Variants in ROBO2 observed in about 807,000 individuals in gnomAD.
ROBO2 encodes the protein roundabout homolog 2.
ROBO2 carries 53 observed loss-of-function variants against 160.8 expected under a neutral mutation model. The observed-to-expected ratio is 0.33, with a 90% CI of 0.26 to 0.41. ROBO2 has a LOEUF of 0.41. Ranked by LOEUF, ROBO2 falls within the 10% of genes least tolerant of loss-of-function variation. ROBO2 has a pLI of 1.00. For missense variants in ROBO2, 1,577 were observed against 1,722.4 expected, an observed-to-expected ratio of 0.92 and a Z score of 1.49; for synonymous variants, 664 against 611.7, an observed-to-expected ratio of 1.09 and a Z score of -1.26.
At chr3:76,604,931 T>G (rs2087529303) in intron 2 of ROBO2, among the ~76,000 whole-genome samples, 1 of 152,270 alleles carries the variant, frequency 6.6e-6, no homozygotes, top group Admixed American at 6.5e-5. Flanking sequence ...CAGCAAAGGT[T>G]GAACAAGAGG....
At chr3:76,950,744 T>C (rs1244958242) in intron 2 of ROBO2, among the ~76,000 whole-genome samples, 1 of 152,144 alleles carries the variant, frequency 6.6e-6, no homozygotes, top group Non-Finnish European at 1.5e-5. Context: ...TGTTTGTTTT[T>C]GAGACAGGTT....
intron 2 of ROBO2, among the ~76,000 whole-genome samples, chr3:76,497,144 G>A (rs1380059500): frequency 6.6e-6 from 1 of 152,066 alleles, no homozygotes; most frequent in African/African-American, 2.4e-5. Flanking sequence ...CAGGGCCTTT[G>A]CACGTATACT....
intron 2 of ROBO2, among the ~76,000 whole-genome samples, chr3:77,457,104 C>T (rs1157536848): frequency 6.6e-6 from 1 of 152,170 alleles, no homozygotes; most frequent in Non-Finnish European, 1.5e-5. Context: ...TCTACAGGCA[C>T]TATTAGCCCC....
At chr3:77,161,067 TG>T (rs1414139039) in intron 2 of ROBO2, among the ~76,000 whole-genome samples, 2 of 152,262 alleles carry the variant, frequency 1.3e-5, no homozygotes, top group East Asian at 3.9e-4. Context: ...AAGAAGCTGC[TG>T]ATTACAAAAG....
chr3:77,431,433 A>G (rs2078762307), intron 2 of ROBO2, among the ~76,000 whole-genome samples: 1 of 152,228 alleles, frequency 6.6e-6, no homozygotes, highest in South Asian at 2.1e-4. Flanking sequence ...TCTACAGGAT[A>G]GTTTTCTAAT....
At chr3:76,545,162 T>G (rs1342421604) in intron 2 of ROBO2, among the ~76,000 whole-genome samples, 1 of 151,960 alleles carries the variant, frequency 6.6e-6, no homozygotes. Flanking sequence ...AGACCCAAGT[T>G]AAGTGGATAC....
At chr3:76,750,966 T>G (rs1451258729) in intron 2 of ROBO2, among the ~76,000 whole-genome samples, 3 of 151,640 alleles carry the variant, frequency 2.0e-5, no homozygotes, top group Non-Finnish European at 4.4e-5. Flanking sequence ...ATATGGAACC[T>G]AAAAAGAGCC....
At position 76,030,088 on chromosome 3, in the gene ROBO2, G is replaced by A. The variant is rs576466799; in HGVS notation, c.109+92486G>A. Among the ~76,000 whole-genome samples, 449 of 152,226 alleles carry A rather than the reference G, an allele frequency of 2.9e-3. 4 individuals carry two copies. The highest frequency in any genetic ancestry group is 0.013 in the South Asian group (63 of 4,822). ...TGGTGTGAGATGGTATCTCATTGTGGTTTTGATTTGCATTTCTCTGATGAC... is the reference window on the plus strand; with the variant it reads ...TGGTGTGAGATGGTATCTCATTGTGATTTTGATTTGCATTTCTCTGATGAC... On this transcript the variant is annotated intron_variant, in intron 2 of 26. Coordinates refer to the ROBO2 transcript ENST00000487694.
intron 2 of ROBO2, among the ~76,000 whole-genome samples, chr3:76,378,802 G>A (rs936564149): frequency 2.6e-5 from 4 of 152,142 alleles, no homozygotes; most frequent in Non-Finnish European, 5.9e-5. Context: ...ACTAGAGACA[G>A]AATATGGAAA....
At chr3:76,976,200 C>G (rs2059808981) in intron 2 of ROBO2, among the ~76,000 whole-genome samples, 1 of 152,142 alleles carries the variant, frequency 6.6e-6, no homozygotes, top group African/African-American at 2.4e-5. Flanking sequence ...TTATAGATAA[C>G]ATTCACAACA....
At chr3:77,017,019 TCAA>T (rs1213582751) in intron 2 of ROBO2, among the ~76,000 whole-genome samples, 7 of 152,176 alleles carry the variant, frequency 4.6e-5, no homozygotes, top group Non-Finnish European at 7.3e-5. Context: ...TCTAAATGCT[TCAA>T]CAACATCAGC....
intron 2 of ROBO2, among the ~76,000 whole-genome samples, chr3:76,971,324 T>A (rs1577949408): frequency 6.6e-6 from 1 of 152,160 alleles, no homozygotes; most frequent in Admixed American, 6.6e-5. Flanking sequence ...TACAAATTCT[T>A]CTATAGAATA....
intron 2 of ROBO2, among the ~76,000 whole-genome samples, chr3:77,269,470 G>C (rs544768329): frequency 6.6e-6 from 1 of 151,950 alleles, no homozygotes; most frequent in Non-Finnish European, 1.5e-5. Flanking sequence ...TGGATTTGGC[G>C]TTCCTAGCAT....
At chr3:75,985,303 A>T (rs1210114668) in intron 2 of ROBO2, among the ~76,000 whole-genome samples, 1 of 151,530 alleles carries the variant, frequency 6.6e-6, no homozygotes, top group Non-Finnish European at 1.5e-5. Context: ...ACTTAATGTG[A>T]AATTTATTAT....
chr3:76,828,392 A>G (rs111661999), intron 2 of ROBO2, among the ~76,000 whole-genome samples: 103 of 152,194 alleles, frequency 6.8e-4, no homozygotes, highest in African/African-American at 2.4e-3. Context: ...TCCCAACTAA[A>G]CACACCCACC....
intron 2 of ROBO2, chr3:76,434,449 C>T: frequency 6.4e-7 from 1 of 1,551,420 alleles, no homozygotes; most frequent in Non-Finnish European, 8.9e-7. Context: ...CCAAGCCTGG[C>T]ACTTATGTGA....
chr3:77,108,183 C>CATATATATGTATACACATATGCAT (rs1454284546), intron 2 of ROBO2, among the ~76,000 whole-genome samples: 115 of 142,676 alleles, frequency 8.1e-4, no homozygotes, highest in African/African-American at 1.4e-3. Context: ...TACACATATG[C>CATATATATGTATACACATATGCAT]ATATATATGT....
intron 2 of ROBO2, among the ~76,000 whole-genome samples, chr3:76,353,702 C>T (rs929268746): frequency 6.6e-6 from 1 of 151,928 alleles, no homozygotes; most frequent in Non-Finnish European, 1.5e-5. Flanking sequence ...CTACAACCTT[C>T]GCAACCTGTT....
chr3:76,557,460 C>T (rs1306224602), intron 2 of ROBO2, among the ~76,000 whole-genome samples: 1 of 151,820 alleles, frequency 6.6e-6, no homozygotes, highest in African/African-American at 2.4e-5. Context: ...CTCTATACCA[C>T]TCAAAGGATC....
Sources: gnomAD v4.1 joint callset for allele counts (sites outside exome capture counted in the v4.1 genomes callset) on GRCh38, gnomAD v4.1.1 for gene constraint, MANE v1.5 for transcripts, NCBI Gene and HGNC (gene_info 2026-07-23, HGNC 2026-07-21) for gene names.